RIC1: variants seen among roughly 807,000 people sequenced by gnomAD.
RIC1 encodes the protein RIC1 partner of RAB6A GEF complex.
Under a neutral mutation model 169.0 loss-of-function variants are expected in RIC1, and 88 were observed. The ratio of observed to expected loss-of-function variants is 0.52; its 90% CI spans 0.44 to 0.62. RIC1 has a LOEUF of 0.62. RIC1 is among the 20% of genes least tolerant of loss of function. The pLI is 0.00. For synonymous variants in RIC1, 790 were observed against 601.5 expected (o/e 1.31, Z -4.59); for missense variants, 1,877 against 1,725.5 (o/e 1.09, Z -1.56).
rs1364262682 is a variant in RIC1, at chr9:5,772,634, A to G, written c.3687A>G (p.Thr1229=). The part of the protein sequence containing the change: ...ESSSMVDGDW[T]MVDENFSTLS... ...GCTCCATGGTGGATGGCGACTGGAC[A>G]ATGGTGGATGAAAATTTCTCTACAC... The change falls in exon 24 of 26, where the codon ACA becomes ACG. Residue 1229 remains threonine (T), a synonymous_variant. Transcript: ENST00000414202. The G allele has an allele frequency of 5.0e-6, 8 of 1,613,986 alleles. No individual in the cohort carries two copies. Among genetic ancestry groups the G allele is most frequent in the Non-Finnish European group, 5.9e-6 (7 of 1,179,916 alleles).
chr9:5,693,344 C>G (rs1410694841), intron 3 of RIC1, among the ~76,000 whole-genome samples: 3 of 152,156 alleles, frequency 2.0e-5, no homozygotes, highest in African/African-American at 7.2e-5. Flanking sequence ...TATGCTCCAT[C>G]TGAGAACACA....
chr9:5,716,536 C>G (rs1368715093), intron 4 of RIC1, among the ~76,000 whole-genome samples: 2 of 152,164 alleles, frequency 1.3e-5, no homozygotes, highest in Non-Finnish European at 2.9e-5. Flanking sequence ...TTGCTTGAAC[C>G]CGGGAGGCAG....
At chr9:5,759,070 G>C (rs188075831) in intron 17 of RIC1, among the ~76,000 whole-genome samples, 2 of 152,080 alleles carry the variant, frequency 1.3e-5, no homozygotes, top group Non-Finnish European at 2.9e-5. Context: ...GGTAAAATTG[G>C]TTTTCTCCTT....
At chr9:5,698,244 T>A (rs766320906) in intron 3 of RIC1, among the ~76,000 whole-genome samples, 4 of 152,236 alleles carry the variant, frequency 2.6e-5, no homozygotes, top group Admixed American at 6.5e-5. Flanking sequence ...TTGACATGCT[T>A]TAAAAGCAGT....
intron 2 of RIC1, among the ~76,000 whole-genome samples, chr9:5,672,351 G>T (rs1264682578): frequency 1.3e-5 from 2 of 152,164 alleles, no homozygotes; most frequent in Non-Finnish European, 2.9e-5. Context: ...ACAGAAGAAT[G>T]TAGTAAATTA....
intron 12 of RIC1, among the ~76,000 whole-genome samples, chr9:5,749,927 T>A (rs1162100127): frequency 6.6e-6 from 1 of 151,590 alleles, no homozygotes; most frequent in Non-Finnish European, 1.5e-5. Context: ...TACAGGCACC[T>A]GCCACCATGC....
At chr9:5,679,186 T>C (rs1820648442) in intron 2 of RIC1, among the ~76,000 whole-genome samples, 1 of 152,202 alleles carries the variant, frequency 6.6e-6, no homozygotes, top group African/African-American at 2.4e-5. Flanking sequence ...AGGGCTCTGT[T>C]CTGTTCCATT....
chr9:5,751,066 C>T (rs971179927), intron 12 of RIC1, among the ~76,000 whole-genome samples: 1 of 151,502 alleles, frequency 6.6e-6, no homozygotes, highest in African/African-American at 2.4e-5. Context: ...CTTTGGTTCC[C>T]ATTATTAGAA....
chr9:5,758,446 A>G (rs1422156180), intron 17 of RIC1, among the ~76,000 whole-genome samples: 1 of 152,232 alleles, frequency 6.6e-6, no homozygotes, highest in African/African-American at 2.4e-5. Flanking sequence ...AGACTAGACT[A>G]TCCAGTTATG....
intron 12 of RIC1, chr9:5,748,628 A>G (rs1176522263): frequency 6.6e-6 from 1 of 152,614 alleles, no homozygotes; most frequent in Non-Finnish European, 1.5e-5. Context: ...TGAACTATTC[A>G]TTCTACACTG....
rs555197984 is a variant in RIC1, at chr9:5,635,717, C to T, written c.144+6264C>T. Among the ~76,000 whole-genome samples, 7 of 152,266 alleles carry T rather than the reference C, an allele frequency of 4.6e-5. No homozygotes were observed. In the East Asian group the frequency reaches 5.8e-4, roughly 13 times the overall value. On this transcript the variant is annotated intron_variant, in intron 1 of 25. Transcript: ENST00000414202. Reference sequence around the variant, plus strand: ...CTGGTAGGGGGTCATTAGATCATAGCGGGAGTTTTCCTCATGCTGTTCTTG... The same window carrying T: ...CTGGTAGGGGGTCATTAGATCATAGTGGGAGTTTTCCTCATGCTGTTCTTG...
chr9:5,657,770 A>G (rs1358183083), intron 2 of RIC1, among the ~76,000 whole-genome samples: 2 of 152,126 alleles, frequency 1.3e-5, no homozygotes, highest in Admixed American at 6.5e-5. Flanking sequence ...CCATGTACCA[A>G]ATATGCCCTG....
chr9:5,757,320 A>G lies in RIC1; in HGVS notation c.1861A>G (p.Thr621Ala). 3 of 1,613,976 alleles carry G rather than the reference A, an allele frequency of 1.9e-6. No homozygotes were observed. The South Asian group carries it at 3.3e-5, about 18-fold the overall frequency. Residue 621 changes from threonine (T) to alanine (A), a missense_variant, in exon 17 of 26, where the codon ACT (threonine) becomes GCT (alanine). By Grantham distance (58) the Thr-to-Ala change is moderately conservative (BLOSUM62 0). Coordinates refer to ENST00000414202, the MANE Select transcript of RIC1 (RefSeq NM_020829.4). ...SIERKSDGPN[T>A]TAGIQVLQEV... ...TTTCTTTTGTTTTTACAGTCCAAATACTACTGCTGGTATTCAAGTTCTTCA... is the reference window on the plus strand; with the variant it reads ...TTTCTTTTGTTTTTACAGTCCAAATGCTACTGCTGGTATTCAAGTTCTTCA...
intron 2 of RIC1, among the ~76,000 whole-genome samples, chr9:5,686,858 TA>T (rs1821276249): frequency 6.6e-6 from 1 of 152,178 alleles, no homozygotes; most frequent in Non-Finnish European, 1.5e-5. Flanking sequence ...TGAGGCCTCA[TA>T]AAATGAGATA....
chr9:5,632,495 A>G (rs1172295553), intron 1 of RIC1, among the ~76,000 whole-genome samples: 2 of 152,180 alleles, frequency 1.3e-5, no homozygotes, highest in Non-Finnish European at 2.9e-5. Flanking sequence ...GAAATACAGT[A>G]TAGTGTTGTT....
chr9:5,663,072 T>G (rs1819549846), intron 2 of RIC1, among the ~76,000 whole-genome samples: 1 of 152,236 alleles, frequency 6.6e-6, no homozygotes, highest in African/African-American at 2.4e-5. Context: ...GATTTCTGCC[T>G]TAATTTCATT....
At chr9:5,682,752 G>A (rs1820935129) in intron 2 of RIC1, among the ~76,000 whole-genome samples, 1 of 152,204 alleles carries the variant, frequency 6.6e-6, no homozygotes, top group Admixed American at 6.5e-5. Context: ...CCTGCAGAGT[G>A]TTTTCCAACT....
intron 2 of RIC1, among the ~76,000 whole-genome samples, chr9:5,678,643 C>A (rs1471681211): frequency 6.6e-6 from 1 of 152,078 alleles, no homozygotes; most frequent in Non-Finnish European, 1.5e-5. Flanking sequence ...GCATAAATGT[C>A]TTCTTTTGAG....
chr9:5,763,605 G>A lies in RIC1; in HGVS notation c.2578G>A (p.Val860Met), dbSNP rs1209003526. 2 of 1,614,092 alleles carry A rather than the reference G, an allele frequency of 1.2e-6. No homozygotes were observed. The highest frequency in any genetic ancestry group is 8.5e-7 in the Non-Finnish European group (1 of 1,180,018). Reference sequence around the variant, plus strand: ...TGCCACATTACCTTACTTCCCTCATGTGCTGGAGCTCATGCTCCATGAAGT... The same window carrying A: ...TGCCACATTACCTTACTTCCCTCATATGCTGGAGCTCATGCTCCATGAAGT... ...SCATLPYFPH[V>M]LELMLHEVLE... Residue 860 changes from valine (V) to methionine (M), a missense_variant, in exon 19 of 26, where the codon GTG (valine) becomes ATG (methionine). Transcript: ENST00000414202. This position sits in a 1 kb window ranked among gnomAD's most constrained non-coding sequence, Gnocchi z 5.2.
Sources: gnomAD v4.1 joint callset for allele counts (sites outside exome capture counted in the v4.1 genomes callset) on GRCh38, gnomAD v4.1.1 for gene constraint, Gnocchi (gnomAD v3.1) non-coding constraint, MANE v1.5 for transcripts, NCBI Gene and HGNC (gene_info 2026-07-23, HGNC 2026-07-21) for gene names.